The following KCNIP3 variants were observed in gnomAD, a reference collection of about 807,000 sequenced individuals.
The protein encoded by KCNIP3 is potassium voltage-gated channel interacting protein 3.
A neutral mutation model predicts 35.0 loss-of-function variants in KCNIP3; 28 were observed. That is an observed-to-expected ratio of 0.80 (90% CI 0.59 to 1.10). The LOEUF is 1.10. Among genes scored for constraint, KCNIP3 ranks in the 50% least tolerant of loss-of-function variants. KCNIP3 has a pLI of 0.00. For synonymous variants in KCNIP3, 134 were observed against 133.8 expected (o/e 1.00, Z -0.01); for missense variants, 295 against 338.4 (o/e 0.87, Z 1.01).
rs1558779478 is a variant in KCNIP3, at chr2:95,378,466, G to A, written c.448-3130G>A. On this transcript the variant is annotated intron_variant, in intron 5 of 8. Coordinates refer to ENST00000295225, the MANE Select transcript of KCNIP3 (RefSeq NM_013434.5). The surrounding 1 kb of genome is among the most constrained non-coding windows in gnomAD (Gnocchi z 4.0). Reference sequence around the variant, plus strand: ...AATATTTTCATTGGCCGGGCTCGGTGGCTCACGCCTGCAATCCCAGCACTT... The same window carrying A: ...AATATTTTCATTGGCCGGGCTCGGTAGCTCACGCCTGCAATCCCAGCACTT... Among the ~76,000 whole-genome samples, 1 of 151,882 alleles carries A rather than the reference G, an allele frequency of 6.6e-6. No individual in the cohort carries two copies. Among genetic ancestry groups the A allele is most frequent in the African/African-American group, 2.4e-5 (1 of 41,356 alleles).
chr2:95,375,588 A>G (rs1489703117), intron 5 of KCNIP3, among the ~76,000 whole-genome samples: 2 of 152,168 alleles, frequency 1.3e-5, no homozygotes, highest in African/African-American at 4.8e-5. Context: ...CATTTTCAGA[A>G]TTTACTCCTT....
At chr2:95,365,201 GCCC>G (rs1200142374) in intron 2 of KCNIP3, among the ~76,000 whole-genome samples, 1 of 116,504 alleles carries the variant, frequency 8.6e-6, no homozygotes, top group Non-Finnish European at 1.7e-5. Context: ...TCTCTCTGTT[GCCC>G]AGGCTGGATT....
intron 2 of KCNIP3, among the ~76,000 whole-genome samples, chr2:95,315,199 G>A (rs1466231284): frequency 1.3e-5 from 2 of 152,198 alleles, no homozygotes; most frequent in East Asian, 1.9e-4. Flanking sequence ...ACTCCCATGA[G>A]GATAATGGGA....
At chr2:95,327,533 A>G (rs1678824288) in intron 2 of KCNIP3, among the ~76,000 whole-genome samples, 2 of 152,180 alleles carry the variant, frequency 1.3e-5, no homozygotes, top group Non-Finnish European at 2.9e-5. Context: ...TTGTAGCCAC[A>G]GTTGATGTGG....
chr2:95,374,602 C>A lies in KCNIP3; in HGVS notation c.306+182C>A, dbSNP rs539726271. Among the ~76,000 whole-genome samples the A allele has an allele frequency of 8.5e-5, 13 of 152,326 alleles. 1 individual carries two copies. In the South Asian group the frequency reaches 2.7e-3, roughly 32 times the overall value. ...CGCTGAGGCCGCCATGCTCCTCCCT[C>A]CGTGTCTTTGCTGCTGGTACAGAGG... On this transcript the variant is annotated intron_variant, in intron 3 of 8. Transcript: ENST00000295225.
chr2:95,297,595 C>G, intron 1 of KCNIP3, 142 bp downstream of exon 1: 1 of 713,070 alleles, frequency 1.4e-6, no homozygotes. Context: ...GGAAAGTGAG[C>G]GTTGGGGCGT....
chr2:95,345,759 A>G (rs557190266), intron 2 of KCNIP3, among the ~76,000 whole-genome samples: 1 of 152,340 alleles, frequency 6.6e-6, no homozygotes, highest in African/African-American at 2.4e-5. Flanking sequence ...TCGCGGCTCC[A>G]AGGACCCCGG....
chr2:95,330,070 C>A (rs2104243354), intron 2 of KCNIP3, among the ~76,000 whole-genome samples: 2 of 152,348 alleles, frequency 1.3e-5, no homozygotes, highest in East Asian at 3.9e-4. Context: ...GCCGCAGCCA[C>A]CGCCAGCTGC....
intron 2 of KCNIP3, among the ~76,000 whole-genome samples, chr2:95,356,439 A>G (rs1679658611): frequency 1.3e-5 from 2 of 152,274 alleles, no homozygotes; most frequent in Non-Finnish European, 2.9e-5. Flanking sequence ...TATGTCCTGA[A>G]TGGTATTGCC....
At chr2:95,326,389 C>A (rs1323656915) in intron 2 of KCNIP3, among the ~76,000 whole-genome samples, 1 of 152,230 alleles carries the variant, frequency 6.6e-6, no homozygotes, top group African/African-American at 2.4e-5. Flanking sequence ...CTCACATACA[C>A]ATACATGCAC....
At position 95,378,796 on chromosome 2, in the gene KCNIP3, A is replaced by T. The variant is rs1474221213; in HGVS notation, c.448-2800A>T. ...TATATATATACACACACACACACAC[A>T]TATATATATATACACACACACACAC... On this transcript the variant is annotated intron_variant, in intron 5 of 8. Transcript: ENST00000295225. This position sits in a 1 kb window ranked among gnomAD's most constrained non-coding sequence, Gnocchi z 4.0. Among the ~76,000 whole-genome samples the T allele has an allele frequency of 6.7e-6, 1 of 149,772 alleles. No homozygotes were observed. The highest frequency in any genetic ancestry group is 2.5e-5 in the African/African-American group (1 of 40,466).
At chr2:95,331,962 G>A (rs1029771224) in intron 2 of KCNIP3, among the ~76,000 whole-genome samples, 1 of 152,254 alleles carries the variant, frequency 6.6e-6, no homozygotes, top group Admixed American at 6.5e-5. Flanking sequence ...TGCAGCGTCT[G>A]CATGTGAGAG....
At chr2:95,330,215 T>C (rs1318287221) in intron 2 of KCNIP3, among the ~76,000 whole-genome samples, 2 of 151,994 alleles carry the variant, frequency 1.3e-5, no homozygotes, top group Non-Finnish European at 2.9e-5. Context: ...ACCTGGGGCA[T>C]CTCGAGGTGA....
intron 2 of KCNIP3, among the ~76,000 whole-genome samples, chr2:95,334,108 G>A (rs2113417): frequency 0.77 from 117,846 of 152,188 alleles, 46,152 homozygotes; most frequent in African/African-American, 0.88. Context: ...GCGAGGATGT[G>A]ACTTGAGAAC....
In KCNIP3 at chr2:95,384,250, G is replaced by A; in HGVS notation, c.*201G>A. On this transcript the variant is annotated 3_prime_UTR_variant, in exon 9 of 9. Coordinates refer to ENST00000295225, the MANE Select transcript of KCNIP3 (RefSeq NM_013434.5). The stretch of plus-strand genomic sequence containing the variant: ...CAGAGGGGACAGAGTTCAGGGAGGG[G>A]CTGAGTCTGGCTAGGGGCCGAGTCC... The A allele has an allele frequency of 1.7e-6, 1 of 584,982 alleles. No individual in the cohort carries two copies. The highest frequency in any genetic ancestry group is 3.1e-6 in the Non-Finnish European group (1 of 326,872). The allele number at this position is 584,982 out of a possible 1,614,324, so 36.2% of individuals were successfully genotyped here.
chr2:95,309,274 A>G (rs1678253656), intron 1 of KCNIP3, among the ~76,000 whole-genome samples: 1 of 152,194 alleles, frequency 6.6e-6, no homozygotes, highest in South Asian at 2.1e-4. Context: ...GCCAGCTGCC[A>G]GCATGGGAAC....
chr2:95,345,784 C>G (rs1209990110), intron 2 of KCNIP3, among the ~76,000 whole-genome samples: 1 of 152,268 alleles, frequency 6.6e-6, no homozygotes, highest in Non-Finnish European at 1.5e-5. Flanking sequence ...CGCCCGGCCA[C>G]GCCTCGTCCT....
intron 1 of KCNIP3, among the ~76,000 whole-genome samples, chr2:95,304,428 A>G (rs1474996433): frequency 2.0e-5 from 3 of 152,126 alleles, no homozygotes; most frequent in African/African-American, 4.8e-5. Context: ...CTCCCTTTGT[A>G]AAGAGAATGG....
At chr2:95,318,653 C>G (rs1160367618) in intron 2 of KCNIP3, among the ~76,000 whole-genome samples, 2 of 152,174 alleles carry the variant, frequency 1.3e-5, no homozygotes, top group East Asian at 3.9e-4. Flanking sequence ...CAAGTCTCGG[C>G]CACGGGGCTA....
Sources: gnomAD v4.1 joint callset for allele counts (sites outside exome capture counted in the v4.1 genomes callset) on GRCh38, gnomAD v4.1.1 for gene constraint, Gnocchi (gnomAD v3.1) non-coding constraint, MANE v1.5 for transcripts, NCBI Gene and HGNC (gene_info 2026-07-23, HGNC 2026-07-21) for gene names.